Variants in DLGAP2 observed in about 807,000 individuals in gnomAD.
DLGAP2 encodes the protein disks large-associated protein 2.
Under a neutral mutation model 100.3 loss-of-function variants are expected in DLGAP2, and 26 were observed. That is an observed-to-expected ratio of 0.26 (90% confidence interval 0.19 to 0.36). The LOEUF is 0.36. Among genes scored for constraint, DLGAP2 ranks in the 10% least tolerant of loss-of-function variants. The probability of loss-of-function intolerance (pLI) is 1.00; values close to 1 mark genes in which losing one functional copy is unlikely to be tolerated. For missense variants in DLGAP2, 1,858 were observed against 1,453.2 expected (o/e 1.28, Z -4.53); for synonymous variants, 886 against 630.1 (o/e 1.41, Z -6.08).
chr8:1,170,125 C>T (rs538241971), intron 2 of DLGAP2, among the ~76,000 whole-genome samples: 10 of 152,242 alleles, frequency 6.6e-5, no homozygotes, highest in African/African-American at 1.2e-4. Flanking sequence ...GCCTTTTCTG[C>T]GTCTATTAAG....
chr8:1,006,791 C>T (rs1759602973), intron 2 of DLGAP2, among the ~76,000 whole-genome samples: 1 of 82,148 alleles, frequency 1.2e-5, no homozygotes, highest in Non-Finnish European at 2.3e-5. Context: ...TCTCAAGTCT[C>T]AGGATGTCCT....
At chr8:1,675,354 C>G (rs1409129411) in intron 10 of DLGAP2, among the ~76,000 whole-genome samples, 1 of 152,208 alleles carries the variant, frequency 6.6e-6, no homozygotes, top group Non-Finnish European at 1.5e-5. Flanking sequence ...CTCTGATCCG[C>G]CAGCTCTCTC....
chr8:1,319,567 G>A (rs1444596244), intron 3 of DLGAP2, among the ~76,000 whole-genome samples: 1 of 152,200 alleles, frequency 6.6e-6, no homozygotes, highest in Non-Finnish European at 1.5e-5. Context: ...CTGATTTCAA[G>A]GAGCTTGTAT....
intron 3 of DLGAP2, among the ~76,000 whole-genome samples, chr8:1,463,200 G>A (rs567709320): frequency 1.3e-4 from 20 of 152,342 alleles, no homozygotes; most frequent in East Asian, 9.7e-4. Context: ...AGTGAGCTGA[G>A]ATCATGCCAT....
intron 2 of DLGAP2, among the ~76,000 whole-genome samples, chr8:1,171,058 T>C (rs543221787): frequency 3.3e-5 from 5 of 152,124 alleles, no homozygotes; most frequent in East Asian, 1.9e-4. Flanking sequence ...GCTTTGAATG[T>C]GTCCGAGATT....
At chr8:1,593,617 G>T (rs1362262905) in intron 6 of DLGAP2, among the ~76,000 whole-genome samples, 1 of 152,104 alleles carries the variant, frequency 6.6e-6, no homozygotes, top group East Asian at 1.9e-4. Flanking sequence ...ATCAGGAAGA[G>T]ACCCCCTGGC....
At chr8:860,497 G>A (rs575479169) in intron 1 of DLGAP2, among the ~76,000 whole-genome samples, 2 of 152,272 alleles carry the variant, frequency 1.3e-5, no homozygotes, top group Admixed American at 1.3e-4. Context: ...ACTTCGCTGG[G>A]GCCGTAGAGA....
chr8:985,885 T>C (rs1304748915), intron 2 of DLGAP2, among the ~76,000 whole-genome samples: 1 of 152,102 alleles, frequency 6.6e-6, no homozygotes, highest in Admixed American at 6.6e-5. Flanking sequence ...AAACCCCCTG[T>C]TTCAGCTCCT....
intron 2 of DLGAP2, among the ~76,000 whole-genome samples, chr8:909,984 T>C (rs574442910): frequency 1.3e-5 from 2 of 152,250 alleles, no homozygotes; most frequent in Non-Finnish European, 2.9e-5. Context: ...AATTTTCTTC[T>C]ACCTCAATGG....
At chr8:752,278 G>C (rs1820811355) in intron 1 of DLGAP2, among the ~76,000 whole-genome samples, 2 of 152,220 alleles carry the variant, frequency 1.3e-5, no homozygotes, top group Admixed American at 6.5e-5. Context: ...ATAATCCCCA[G>C]GCTGCCGGCT....
chr8:1,000,914 C>G (rs1397235225), intron 2 of DLGAP2, among the ~76,000 whole-genome samples: 2 of 152,056 alleles, frequency 1.3e-5, no homozygotes, highest in African/African-American at 4.8e-5. Context: ...TTCCATGCGG[C>G]CTCCGAGAGT....
At chr8:912,155 A>G (rs892162622) in intron 2 of DLGAP2, among the ~76,000 whole-genome samples, 20 of 152,338 alleles carry the variant, frequency 1.3e-4, no homozygotes, top group Admixed American at 2.6e-4. Flanking sequence ...GCAATATGGC[A>G]GCAGTAATTA....
intron 3 of DLGAP2, among the ~76,000 whole-genome samples, chr8:1,448,821 C>T (rs1304320706): frequency 6.6e-6 from 1 of 152,194 alleles, no homozygotes; most frequent in Non-Finnish European, 1.5e-5. Context: ...TTGCCCTGAT[C>T]CGGCCATGGA....
chr8:1,253,874 G>C (rs1459103159), intron 2 of DLGAP2, among the ~76,000 whole-genome samples: 1 of 152,222 alleles, frequency 6.6e-6, no homozygotes, highest in Non-Finnish European at 1.5e-5. Flanking sequence ...GTGCTGCTGT[G>C]AGTACGCTTG....
At chr8:1,609,479 C>G (rs1036614316) in intron 6 of DLGAP2, among the ~76,000 whole-genome samples, 1 of 137,092 alleles carries the variant, frequency 7.3e-6, no homozygotes, top group African/African-American at 2.6e-5. Flanking sequence ...GAAACTGCAT[C>G]AACTAACGAG....
intron 3 of DLGAP2, among the ~76,000 whole-genome samples, chr8:1,356,691 A>G (rs1250058349): frequency 6.6e-6 from 1 of 152,224 alleles, no homozygotes. Context: ...TGAGCAAACG[A>G]TCATTCGCCA....
At chr8:1,360,244 C>T (rs79545956) in intron 3 of DLGAP2, among the ~76,000 whole-genome samples, 4 of 103,312 alleles carry the variant, frequency 3.9e-5, no homozygotes, top group African/African-American at 1.1e-4. Context: ...GGCGGGGCTT[C>T]TCCGGGGCGG....
Position 1,618,552 on chromosome 8 carries a change from C to A in DLGAP2, c.1443-8188C>A, listed in dbSNP as rs527880369. On this transcript the variant is annotated intron_variant, in intron 6 of 14. Coordinates refer to ENST00000637795, the MANE Select transcript of DLGAP2 (RefSeq NM_001346810.2). ...TTTTAGAGAAACTGACAAGAAGATT[C>A]TAAAATGTGTGAAAATGTGAAGAAC... 4.6e-5 allele frequency among the ~76,000 whole-genome samples: 7 copies of A among 152,230 alleles called. No homozygotes were observed. In the South Asian group the frequency reaches 1.2e-3, roughly 27 times the overall value.
chr8:762,062 A>T (rs1351018607), intron 1 of DLGAP2, among the ~76,000 whole-genome samples: 1 of 152,320 alleles, frequency 6.6e-6, no homozygotes, highest in Non-Finnish European at 1.5e-5. Context: ...TATATCTTCC[A>T]GGCAGTCAAA....
Sources: allele counts gnomAD v4.1 joint callset (sites outside exome capture counted in the v4.1 genomes callset), GRCh38; gene constraint gnomAD v4.1.1; transcripts MANE v1.5; gene names NCBI Gene and HGNC (gene_info 2026-07-23, HGNC 2026-07-21).